RPTOR: variants seen among roughly 807,000 people sequenced by gnomAD.
The protein encoded by RPTOR is regulatory-associated protein of mTOR.
In RPTOR, 21 loss-of-function variants were observed where a neutral mutation model predicts 169.9. The ratio of observed to expected loss-of-function variants is 0.12; its 90% CI spans 0.09 to 0.18. RPTOR has a LOEUF of 0.18. Ranked by LOEUF, RPTOR falls within the 10% of genes least tolerant of loss-of-function variation. The pLI is 1.00. For missense variants in RPTOR, 1,133 were observed against 1,855.9 expected (o/e 0.61, Z 7.16); for synonymous variants, 732 against 753.2 (o/e 0.97, Z 0.46).
At chr17:80,736,519 T>G (rs1274036522) in intron 5 of RPTOR, among the ~76,000 whole-genome samples, 2 of 152,186 alleles carry the variant, frequency 1.3e-5, no homozygotes, top group Admixed American at 1.3e-4. Flanking sequence ...TAGCTAAATT[T>G]TATGTCAAAT....
At chr17:80,591,402 G>A (rs2065106951) in intron 1 of RPTOR, among the ~76,000 whole-genome samples, 1 of 141,166 alleles carries the variant, frequency 7.1e-6, no homozygotes. Flanking sequence ...TTTTGGAGAT[G>A]GAGTGTTGCT....
At chr17:80,558,300 C>CA (rs905199372) in intron 1 of RPTOR, among the ~76,000 whole-genome samples, 16 of 151,972 alleles carry the variant, frequency 1.1e-4, no homozygotes, top group Admixed American at 6.6e-5. Flanking sequence ...GACCCTGTCT[C>CA]AAAAAAACCC....
intron 1 of RPTOR, among the ~76,000 whole-genome samples, chr17:80,591,044 A>T (rs182350680): frequency 2.6e-5 from 4 of 151,726 alleles, no homozygotes; most frequent in Admixed American, 6.5e-5. Flanking sequence ...TTTGTTACTT[A>T]AAAAGTTTAG....
chr17:80,636,490 A>G (rs1050333165), intron 2 of RPTOR, among the ~76,000 whole-genome samples: 2 of 152,082 alleles, frequency 1.3e-5, no homozygotes, highest in African/African-American at 4.8e-5. Context: ...GGCCCTGTCC[A>G]TCTTCCAAGA....
chr17:80,849,260 C>T (rs2067766947), intron 11 of RPTOR, among the ~76,000 whole-genome samples: 1 of 152,194 alleles, frequency 6.6e-6, no homozygotes, highest in South Asian at 2.1e-4. Context: ...GGAGTTTTCT[C>T]ACTCGCTTCC....
chr17:80,827,748 G>T (rs560242141), intron 9 of RPTOR, among the ~76,000 whole-genome samples: 3 of 152,164 alleles, frequency 2.0e-5, no homozygotes, highest in African/African-American at 4.8e-5. Context: ...CACACCAGTC[G>T]CGGCGGGTGA....
chr17:80,831,305 C>A (rs1174861015), intron 9 of RPTOR, among the ~76,000 whole-genome samples: 1 of 152,206 alleles, frequency 6.6e-6, no homozygotes, highest in Non-Finnish European at 1.5e-5. Context: ...TGAGACGATT[C>A]CTCAGTCCAT....
At chr17:80,798,282 C>T (rs1010807124) in intron 7 of RPTOR, among the ~76,000 whole-genome samples, 5 of 152,232 alleles carry the variant, frequency 3.3e-5, no homozygotes, top group African/African-American at 1.2e-4. Context: ...GGAATGTCCT[C>T]TGGAGCCGCC....
At chr17:80,797,064 G>T (rs745885902) in intron 7 of RPTOR, among the ~76,000 whole-genome samples, 1 of 152,022 alleles carries the variant, frequency 6.6e-6, no homozygotes, top group Non-Finnish European at 1.5e-5. Flanking sequence ...TTTAATTTTT[G>T]GATTTTGTTC....
Position 80,960,004 on chromosome 17 carries a change from C to G in RPTOR, c.3478-74C>G, listed in dbSNP as rs1300199324. ...CAGCCAGGCAGGCAGCAAGAGGGGT[C>G]CTGGCGCTGCAGGACAGCAGGGAGG... On this transcript the variant is annotated intron_variant, in intron 29 of 33. Transcript: ENST00000306801. The surrounding 1 kb of genome is among the most constrained non-coding windows in gnomAD (Gnocchi z 4.8). 6.3e-7 allele frequency: 1 copy of G among 1,583,348 alleles called. No homozygotes were observed. The highest frequency in any genetic ancestry group is 1.1e-5 in the South Asian group (1 of 88,804).
chr17:80,919,654 G>A (rs972142146), intron 21 of RPTOR, among the ~76,000 whole-genome samples: 1 of 152,204 alleles, frequency 6.6e-6, no homozygotes, highest in Non-Finnish European at 1.5e-5. Flanking sequence ...AACAGTCGGG[G>A]GTGGATAAAA....
chr17:80,628,968 G>T (rs538119759), intron 2 of RPTOR, among the ~76,000 whole-genome samples: 2 of 152,054 alleles, frequency 1.3e-5, no homozygotes, highest in Non-Finnish European at 2.9e-5. Context: ...TCTCTTCTGG[G>T]ACTCAGCTGT....
chr17:80,838,880 AG>A lies in RPTOR; in HGVS notation c.1212+887del, dbSNP rs368057413. Among the ~76,000 whole-genome samples, 48 of 152,340 alleles carry A rather than the reference AG, an allele frequency of 3.2e-4. No homozygotes were observed. In the East Asian group the frequency reaches 8.7e-3, roughly 28 times the overall value. ...AGGGATTATGGTGGTATCCAACCCC[AG>A]GGGTGCTGGAAGGACAAAGGGAGTT... On this transcript the variant is annotated intron_variant, in intron 10 of 33. Transcript: ENST00000306801.
rs1344614233 is a variant in RPTOR at position 80,860,332 on chromosome 17, C to T, written c.1509+2432C>T. ...ACTGGCAGGCACCCCGAGCCACAGG[C>T]TCGTACCCCGCACTGTGCGCTCTCA... On this transcript the variant is annotated intron_variant, in intron 13 of 33. Transcript: ENST00000306801. The surrounding 1 kb of genome is among the most constrained non-coding windows in gnomAD (Gnocchi z 5.8). Among the ~76,000 whole-genome samples the T allele has an allele frequency of 6.6e-6, 1 of 152,222 alleles. No homozygotes were observed. The highest frequency in any genetic ancestry group is 1.9e-4 in the East Asian group (1 of 5,184).
chr17:80,930,137 T>C (rs544705135), intron 24 of RPTOR, among the ~76,000 whole-genome samples: 67 of 36,934 alleles, frequency 1.8e-3, no homozygotes, highest in Admixed American at 3.4e-3. Flanking sequence ...CAGCTGCTCC[T>C]CAGCTCATCC....
Position 80,884,818 on chromosome 17 carries a change from G to A in RPTOR, c.1843-190G>A, listed in dbSNP as rs1042399706. On this transcript the variant is annotated intron_variant, in intron 16 of 33. Coordinates refer to ENST00000306801, the MANE Select transcript of RPTOR (RefSeq NM_020761.3). Reference sequence around the variant, plus strand: ...GTCTGAGCTGCCCCTGGAGCTGGGCGGCTGCCCCTGCTGCTCCCCACCTCC... The same window carrying A: ...GTCTGAGCTGCCCCTGGAGCTGGGCAGCTGCCCCTGCTGCTCCCCACCTCC... Among the ~76,000 whole-genome samples the A allele has an allele frequency of 5.3e-5, 8 of 152,308 alleles. No individual in the cohort carries two copies. In the South Asian group the frequency reaches 6.2e-4, roughly 12 times the overall value.
At chr17:80,918,717 A>G (rs1160105040) in intron 21 of RPTOR, among the ~76,000 whole-genome samples, 2 of 152,072 alleles carry the variant, frequency 1.3e-5, no homozygotes, top group Non-Finnish European at 2.9e-5. Context: ...TAAAACTGGG[A>G]TCATTGTATG....
At chr17:80,700,752 T>A (rs1331739860) in intron 3 of RPTOR, among the ~76,000 whole-genome samples, 1,423 of 15,742 alleles carry the variant, frequency 0.09, 21 homozygotes, top group Non-Finnish European at 0.11. Context: ...GTGGTGGTGG[T>A]GATGATGGTG....
At chr17:80,905,019 G>T (rs750634122) in intron 20 of RPTOR, among the ~76,000 whole-genome samples, 2 of 151,924 alleles carry the variant, frequency 1.3e-5, no homozygotes, top group African/African-American at 2.4e-5. Flanking sequence ...CGGTACGCGT[G>T]GGGGACTCAA....
Sources: allele counts gnomAD v4.1 joint callset (sites outside exome capture counted in the v4.1 genomes callset), GRCh38; gene constraint gnomAD v4.1.1; non-coding constraint Gnocchi (gnomAD v3.1); transcripts MANE v1.5; gene names NCBI Gene and HGNC (gene_info 2026-07-23, HGNC 2026-07-21).